Variants in CSF1 observed in about 807,000 individuals in gnomAD.
CSF1 encodes the protein colony stimulating factor 1.
A neutral mutation model predicts 48.9 loss-of-function variants in CSF1; 9 were observed. The observed-to-expected ratio is 0.18, with a 90% CI of 0.11 to 0.32. The LOEUF (loss-of-function observed/expected upper bound fraction) is 0.32, where lower values mean the gene tolerates loss of function less well. Ranked by LOEUF, CSF1 falls within the 10% of genes least tolerant of loss-of-function variation. The probability of loss-of-function intolerance (pLI) is 1.00; values close to 1 mark genes in which losing one functional copy is unlikely to be tolerated. For synonymous variants in CSF1, 305 were observed against 284.1 expected (o/e 1.07, Z -0.74); for missense variants, 672 against 697.9 (o/e 0.96, Z 0.42).
At chr1:109,917,160 C>T in intron 3 of CSF1, 133 bp from the exon 4 acceptor site, 1 of 877,994 alleles carries the variant, frequency 1.1e-6, no homozygotes, top group Non-Finnish European at 1.8e-6. Context: ...GCGGCATTCT[C>T]CTAGTTGCTG....
chr1:109,923,814 C>G lies in CSF1; in HGVS notation c.1193C>G (p.Pro398Arg). 6.2e-7 allele frequency: 1 copy of G among 1,611,952 alleles called. No individual in the cohort carries two copies. The highest frequency in any genetic ancestry group is 8.5e-7 in the Non-Finnish European group (1 of 1,178,966). The change falls in exon 6 of 9, where the codon CCG (proline) becomes CGG (arginine). Residue 398 changes from proline to arginine, a missense_variant. Pro to Arg is a moderately radical substitution (Grantham distance 103). This residue lies in a region of CSF1 where 591 missense variants were observed against 593.6 expected (regional missense o/e 1.00). Transcript: ENST00000329608. ...DHPSALLRDP[P>R]EPGSPRISSL... is the part of the protein sequence containing the mutation. Reference sequence around the variant, plus strand: ...CCATCTGCCCTGCTCAGAGACCCCCCGGAGCCAGGCTCTCCCAGGATCTCA... The same window carrying G: ...CCATCTGCCCTGCTCAGAGACCCCCGGGAGCCAGGCTCTCCCAGGATCTCA...
chr1:109,910,751 G>GTGTGTA (rs1654641527), upstream of CSF1: 2 of 244,846 alleles, frequency 8.2e-6, no homozygotes, highest in Admixed American at 1.0e-4. Flanking sequence ...GTGTGTGTGT[G>GTGTGTA]TGTGTATGTG....
intron 3 of CSF1, among the ~76,000 whole-genome samples, chr1:109,915,908 C>T (rs1479930595): frequency 1.3e-5 from 2 of 152,182 alleles, no homozygotes; most frequent in Non-Finnish European, 1.5e-5. Flanking sequence ...CAAGCGCTCA[C>T]TAGGTACCAA....
upstream of CSF1, chr1:109,910,736 AGTGT>A (rs199542023): frequency 3.9e-4 from 105 of 268,470 alleles, no homozygotes; most frequent in East Asian, 7.9e-4. Context: ...TGTCTGTGTC[AGTGT>A]GTGTGTGTGT....
In CSF1 at chr1:109,914,327, G is replaced by A; in HGVS notation, c.108G>A (p.Ser36=). The change falls in exon 2 of 9, where the codon TCG becomes TCA. Residue 36 remains serine, a synonymous_variant. Transcript: ENST00000329608. ...LASRSITEEV[S]EYCSHMIGSG... ...GCAGGAGTATCACCGAGGAGGTGTC[G>A]GAGTACTGTAGCCACATGATTGGGA... The A allele has an allele frequency of 1.9e-6, 3 of 1,607,992 alleles. No homozygotes were observed. Among genetic ancestry groups the A allele is most frequent in the Non-Finnish European group, 2.5e-6 (3 of 1,177,144 alleles).
chr1:109,912,004 G>A (rs374684173), intron 1 of CSF1, among the ~76,000 whole-genome samples: 3 of 152,076 alleles, frequency 2.0e-5, no homozygotes, highest in African/African-American at 4.8e-5. Context: ...GAAACCTGGG[G>A]GGAAAAGAGC....
Position 109,911,032 on chromosome 1 carries a change from G to T in CSF1, c.9G>T (p.Ala3=), listed in dbSNP as rs755579583. Residue 3 remains alanine (A), a synonymous_variant, in exon 1 of 9, where the codon GCG becomes GCT. Transcript: ENST00000329608. The part of the protein sequence containing the change: MT[A]PGAAGRCPPT... Reference sequence around the variant, plus strand: ...GGGACCCAGCTGCCCGTATGACCGCGCCGGGCGCCGCCGGGCGCTGCCCTC... The same window carrying T: ...GGGACCCAGCTGCCCGTATGACCGCTCCGGGCGCCGCCGGGCGCTGCCCTC... 3.3e-5 allele frequency: 38 copies of T among 1,139,438 alleles called. No individual in the cohort carries two copies. The South Asian group carries it at 9.2e-4, about 28-fold the overall frequency. The allele number at this position is 1,139,438 out of a possible 1,614,324, so 70.6% of individuals were successfully genotyped here.
rs575826582 is a variant in CSF1, at chr1:109,920,414, C to T, written c.397-1433C>T. Among the ~76,000 whole-genome samples the T allele has an allele frequency of 1.7e-4, 26 of 152,144 alleles. No homozygotes were observed. The South Asian group carries it at 2.7e-3, about 16-fold the overall frequency. ...TCCCGAGTAGCTGGGATTACAGGCA[C>T]GCACCACCATGCCCAGCTAATTTTT... On this transcript the variant is annotated intron_variant, in intron 4 of 8. Transcript: ENST00000329608.
chr1:109,930,750 G>C lies in CSF1; in HGVS notation c.*1912G>C, dbSNP rs1389025902. The C allele has an allele frequency of 6.6e-6, 1 of 152,110 alleles. No homozygotes were observed. The highest frequency in any genetic ancestry group is 2.4e-5 in the African/African-American group (1 of 41,408). 9.4% of individuals were successfully genotyped at this position (152,110 alleles called of 1,614,324 possible). ...CCAACCCACTGCAGAAGCTCTTTTT[G>C]AGCACTTGGTGGCATCAGAGCAGGA... is the stretch of plus-strand genomic sequence containing the variant. On this transcript the variant is annotated 3_prime_UTR_variant, in exon 9 of 9. Transcript: ENST00000329608.
At chr1:109,921,580 A>G (rs1033284934) in intron 4 of CSF1, among the ~76,000 whole-genome samples, 1 of 152,204 alleles carries the variant, frequency 6.6e-6, no homozygotes, top group Non-Finnish European at 1.5e-5. Context: ...CAACTCAGCC[A>G]GGAACCACCT....
At position 109,917,332 on chromosome 1, in the gene CSF1, G is replaced by T; in HGVS notation, c.265G>T (p.Val89Leu). 6.2e-7 allele frequency: 1 copy of T among 1,614,150 alleles called. No individual in the cohort carries two copies. The highest frequency in any genetic ancestry group is 8.5e-7 in the Non-Finnish European group (1 of 1,180,036). The change falls in exon 4 of 9, where the codon GTA (valine) becomes TTA (leucine). Residue 89 changes from valine to leucine, a missense_variant. Val to Leu is a conservative substitution (Grantham distance 32). Transcript: ENST00000329608. ...CTACCTTAAGAAGGCATTTCTCCTG[G>T]TACAAGACATAATGGAGGACACCAT... ...VCYLKKAFLL[V>L]QDIMEDTMRF...
chr1:109,915,036 G>C (rs1248247429), intron 2 of CSF1, among the ~76,000 whole-genome samples: 1 of 152,274 alleles, frequency 6.6e-6, no homozygotes, highest in African/African-American at 2.4e-5. Flanking sequence ...TGGCCAGCCA[G>C]GCAGGGTGGG....
Position 109,923,938 on chromosome 1 carries a change from G to T in CSF1, c.1317G>T (p.Glu439Asp), listed in dbSNP as rs1647709693. The T allele has an allele frequency of 1.2e-6, 2 of 1,614,210 alleles. No homozygotes were observed. The highest frequency in any genetic ancestry group is 1.7e-6 in the Non-Finnish European group (2 of 1,180,002). ...HSSGSVLPLG[E>D]LEGRRSTRDR... Reference sequence around the variant, plus strand: ...CGGGCAGCGTGCTGCCCCTTGGGGAGCTGGAGGGCAGGAGGAGCACCAGGG... The same window carrying T: ...CGGGCAGCGTGCTGCCCCTTGGGGATCTGGAGGGCAGGAGGAGCACCAGGG... The change falls in exon 6 of 9, where the codon GAG becomes GAT. Residue 439 changes from glutamate (E) to aspartate (D), a missense_variant. Glu to Asp is a conservative substitution (Grantham distance 45, BLOSUM62 2). This residue lies in a region of CSF1 where 591 missense variants were observed against 593.6 expected (regional missense o/e 1.00). Transcript: ENST00000329608.
chr1:109,916,433 G>T (rs1026391623), intron 3 of CSF1, among the ~76,000 whole-genome samples: 2 of 152,042 alleles, frequency 1.3e-5, no homozygotes, highest in Non-Finnish European at 2.9e-5. Flanking sequence ...GTCTAGTCTG[G>T]GTTACACCAG....
At chr1:109,922,030 G>A (rs774336199) in intron 5 of CSF1, 36 bp downstream of exon 5, 2 of 1,549,168 alleles carry the variant, frequency 1.3e-6, no homozygotes, top group African/African-American at 2.7e-5. Flanking sequence ...GTGTGGGGGT[G>A]GTAGCATATG....
chr1:109,923,484 A>T lies in CSF1; in HGVS notation c.863A>T (p.Asn288Ile). ...PQPRPSVGAF[N>I]PGMEDILDSA... ...CCTCGCCCCTCTGTCGGGGCCTTCA[A>T]CCCCGGGATGGAGGATATTCTTGAC... Residue 288 changes from asparagine to isoleucine, a missense_variant, in exon 6 of 9, where the codon AAC becomes ATC. By Grantham distance (149) the Asn-to-Ile change is moderately radical. This residue lies in a region of CSF1 where 591 missense variants were observed against 593.6 expected (regional missense o/e 1.00). Transcript: ENST00000329608. The T allele has an allele frequency of 6.2e-7, 1 of 1,613,798 alleles. No individual in the cohort carries two copies. The highest frequency in any genetic ancestry group is 8.5e-7 in the Non-Finnish European group (1 of 1,179,914).
Position 109,925,152 on chromosome 1 carries a change from T to A in CSF1, c.1628T>A (p.Leu543Gln). 6.2e-7 allele frequency: 1 copy of A among 1,613,966 alleles called. No homozygotes were observed. The highest frequency in any genetic ancestry group is 8.5e-7 in the Non-Finnish European group (1 of 1,179,954). ...SPLEQPEGSP[L>Q]TQDDRQVELP... ...GCCCTGTGCTCTGCCTGCAGCCCCC[T>A]GACTCAGGATGACAGACAGGTGGAA... Residue 543 changes from leucine (L) to glutamine (Q), a missense_variant, in exon 8 of 9, where the codon CTG becomes CAG. By Grantham distance (113) the Leu-to-Gln change is moderately radical. Around this residue, in one of 3 missense-constraint regions of CSF1, gnomAD observed 591 missense variants for 593.6 expected, o/e 1.00. Transcript: ENST00000329608.
intron 8 of CSF1, chr1:109,926,491 A>T (rs2101658324): frequency 6.6e-6 from 1 of 152,404 alleles, no homozygotes; most frequent in South Asian, 2.1e-4. Context: ...TAGCCCTCCC[A>T]GTTGTGCCTC....
At position 109,920,826 on chromosome 1, in the gene CSF1, C is replaced by T. The variant is rs548736190; in HGVS notation, c.397-1021C>T. 2.0e-3 allele frequency among the ~76,000 whole-genome samples: 298 copies of T among 152,202 alleles called. 1 individual carries two copies. Among genetic ancestry groups the T allele is most frequent in the Non-Finnish European group, 3.5e-3 (237 of 68,004 alleles). On this transcript the variant is annotated intron_variant, in intron 4 of 8. Coordinates refer to ENST00000329608, the MANE Select transcript of CSF1 (RefSeq NM_000757.6). ...GGCCTTGTGTGAAAGGAGAGGTGGG[C>T]CCGGGAGTGAACCCTGAGGGATGGC...
Sources: gnomAD v4.1 joint callset for allele counts (sites outside exome capture counted in the v4.1 genomes callset) on GRCh38, gnomAD v4.1.1 for gene constraint, gnomAD v4.1.1 regional missense constraint, MANE v1.5 for transcripts, NCBI Gene and HGNC (gene_info 2026-07-23, HGNC 2026-07-21) for gene names.